RTF2: variants seen among roughly 807,000 people sequenced by gnomAD.
The protein encoded by RTF2 is UPF0549 protein C20orf43.
A neutral mutation model predicts 38.0 loss-of-function variants in RTF2; 18 were observed. That is an observed-to-expected ratio of 0.47 (90% CI 0.33 to 0.70). RTF2 has a LOEUF of 0.70. Among genes scored for constraint, RTF2 ranks in the 30% least tolerant of loss-of-function variants. The pLI is 0.02. For synonymous variants in RTF2, 126 were observed against 137.1 expected, an observed-to-expected ratio of 0.92 and a Z score of 0.57; for missense variants, 311 against 379.6, an observed-to-expected ratio of 0.82 and a Z score of 1.50.
rs949117941 is a variant in RTF2 at position 56,477,095 on chromosome 20, T to C, written c.369T>C (p.Val123=). 8.1e-6 allele frequency: 13 copies of C among 1,613,850 alleles called. No homozygotes were observed. The highest frequency in any genetic ancestry group is 1.1e-5 in the Non-Finnish European group (13 of 1,179,964). The change falls in exon 4 of 9, where the codon GTT becomes GTC. Residue 123 remains valine (V), a synonymous_variant. Transcript: ENST00000357348. Reference sequence around the variant, plus strand: ...AGCGGGCGCGTTTCATCTGCCCCGTTGTGGGCCTGGAGATGAACGGCCGAC... The same window carrying C: ...AGCGGGCGCGTTTCATCTGCCCCGTCGTGGGCCTGGAGATGAACGGCCGAC... ...DLQRARFICP[V]VGLEMNGRHR... is the part of the protein sequence containing the mutation.
rs754431592 is a variant in RTF2, at chr20:56,477,093, G to T, written c.367G>T (p.Val123Phe). 1 of 1,613,926 alleles carries T rather than the reference G, an allele frequency of 6.2e-7. No homozygotes were observed. The highest frequency in any genetic ancestry group is 1.1e-5 in the South Asian group (1 of 91,066). Reference protein sequence around the residue: ...DLQRARFICPVVGLEMNGRHR... With the variant: ...DLQRARFICPFVGLEMNGRHR... The stretch of plus-strand genomic sequence containing the variant: ...CCAGCGGGCGCGTTTCATCTGCCCC[G>T]TTGTGGGCCTGGAGATGAACGGCCG... The change falls in exon 4 of 9, where the codon GTT becomes TTT. Residue 123 changes from valine (V) to phenylalanine (F), a missense_variant. Coordinates refer to ENST00000357348, the MANE Select transcript of RTF2 (RefSeq NM_016407.5).
intron 8 of RTF2, 35 bp downstream of exon 8, chr20:56,517,236 A>G: frequency 6.3e-7 from 1 of 1,577,390 alleles, no homozygotes; most frequent in Non-Finnish European, 8.7e-7. Flanking sequence ...AGCTGTTTCG[A>G]GAAGGCTGGA....
chr20:56,495,164 T>A, intron 5 of RTF2: 1 of 1,421,298 alleles, frequency 7.0e-7, no homozygotes, highest in Non-Finnish European at 9.7e-7. Context: ...GTTGTAAAAT[T>A]TGAAGCCTTT....
At chr20:56,488,821 G>T (rs930488672) in intron 5 of RTF2, among the ~76,000 whole-genome samples, 1 of 152,186 alleles carries the variant, frequency 6.6e-6, no homozygotes, top group Non-Finnish European at 1.5e-5. Flanking sequence ...TCATGCTCAC[G>T]GAAGCTGCTG....
chr20:56,505,532 G>A (rs1332256345), intron 5 of RTF2, among the ~76,000 whole-genome samples: 1 of 121,658 alleles, frequency 8.2e-6, no homozygotes, highest in Non-Finnish European at 1.7e-5. Context: ...CCCTGTGGGT[G>A]CACCTGGACT....
chr20:56,500,114 G>A (rs1983831599), intron 5 of RTF2, among the ~76,000 whole-genome samples: 1 of 151,846 alleles, frequency 6.6e-6, no homozygotes, highest in Non-Finnish European at 1.5e-5. Context: ...GAGTGCAATG[G>A]CGTGATCTTG....
chr20:56,492,117 T>G (rs1438091718), intron 5 of RTF2, among the ~76,000 whole-genome samples: 1 of 152,146 alleles, frequency 6.6e-6, no homozygotes, highest in African/African-American at 2.4e-5. Flanking sequence ...CGATAGATTC[T>G]GAGTTCCATG....
At chr20:56,470,542 G>C in intron 1 of RTF2, 1 of 454,960 alleles carries the variant, frequency 2.2e-6, no homozygotes, top group South Asian at 1.5e-5. Context: ...TCCTAACGCA[G>C]AGCACCTAAA....
chr20:56,474,588 C>A, intron 2 of RTF2, 90 bp from the exon 3 acceptor site: 1 of 733,150 alleles, frequency 1.4e-6, no homozygotes, highest in Non-Finnish European at 2.2e-6. Context: ...CAAATGTAAA[C>A]GACTTTTGGA....
intron 5 of RTF2, among the ~76,000 whole-genome samples, chr20:56,487,038 T>C (rs1331655812): frequency 1.3e-5 from 2 of 152,188 alleles, no homozygotes; most frequent in Non-Finnish European, 2.9e-5. Flanking sequence ...CTCAGAATCA[T>C]TTTAATGGGT....
intron 3 of RTF2, among the ~76,000 whole-genome samples, chr20:56,476,762 G>T (rs1265894185): frequency 6.6e-6 from 1 of 152,026 alleles, no homozygotes; most frequent in African/African-American, 2.4e-5. Context: ...GCCTCCCAAA[G>T]TGCTGGGATT....
At chr20:56,468,851 G>A (rs758201924) in intron 1 of RTF2, 85 bp downstream of exon 1, 50 of 1,169,848 alleles carry the variant, frequency 4.3e-5, no homozygotes, top group Non-Finnish European at 5.9e-5. Flanking sequence ...AGAAGGGGGA[G>A]CCAGCGGAGT....
At chr20:56,471,323 C>CT (rs1466142808) in intron 1 of RTF2, among the ~76,000 whole-genome samples, 1 of 152,182 alleles carries the variant, frequency 6.6e-6, no homozygotes, top group African/African-American at 2.4e-5. Flanking sequence ...AATCCCAGCA[C>CT]TTTGGGAGGC....
chr20:56,495,537 G>A (rs1480857201), intron 5 of RTF2, among the ~76,000 whole-genome samples: 6 of 152,162 alleles, frequency 3.9e-5, no homozygotes, highest in Non-Finnish European at 5.9e-5. Context: ...CAAGGTTGGG[G>A]ATCCCCATCT....
Position 56,478,495 on chromosome 20 carries a change from A to G in RTF2, c.398+1371A>G. ...TGACAGAGTGGGACCCTGTCTCAAA[A>G]AAGAAAGTTATGTTTATACTATAGT... On this transcript the variant is annotated intron_variant, in intron 4 of 8. Transcript: ENST00000357348. 1.3e-5 allele frequency among the ~76,000 whole-genome samples: 2 copies of G among 152,182 alleles called. 1 individual carries two copies. Among genetic ancestry groups the G allele is most frequent in the East Asian group, 3.8e-4 (2 of 5,196 alleles).
At chr20:56,480,628 C>T (rs918221759) in intron 4 of RTF2, among the ~76,000 whole-genome samples, 4 of 152,176 alleles carry the variant, frequency 2.6e-5, no homozygotes, top group African/African-American at 7.2e-5. Flanking sequence ...TAAGCTTAAT[C>T]ATTTCTAGCT....
intron 5 of RTF2, among the ~76,000 whole-genome samples, chr20:56,490,688 A>T (rs1384470137): frequency 6.6e-6 from 1 of 152,174 alleles, no homozygotes; most frequent in Non-Finnish European, 1.5e-5. Context: ...GTGGTGGTGC[A>T]TGCCTGTAAT....
intron 6 of RTF2, chr20:56,516,127 G>A (rs1256217519): frequency 6.6e-6 from 1 of 152,244 alleles, no homozygotes; most frequent in African/African-American, 2.4e-5. Flanking sequence ...GCATGTATAT[G>A]TTAGAAATTC....
At chr20:56,513,576 T>A in intron 6 of RTF2, 148 bp downstream of exon 6, 2 of 995,968 alleles carry the variant, frequency 2.0e-6, no homozygotes, top group Non-Finnish European at 2.9e-6. Context: ...AGAAGCAGAT[T>A]CCAGCTGAGG....
Sources: allele counts gnomAD v4.1 joint callset (sites outside exome capture counted in the v4.1 genomes callset), GRCh38; gene constraint gnomAD v4.1.1; transcripts MANE v1.5; gene names NCBI Gene and HGNC (gene_info 2026-07-23, HGNC 2026-07-21).